The following DNAAF4 variants were observed in gnomAD, a reference collection of about 807,000 sequenced individuals.
The protein encoded by DNAAF4 is dynein assembly factor 4, axonemal.
Under a neutral mutation model 51.8 loss-of-function variants are expected in DNAAF4, and 43 were observed. The ratio of observed to expected loss-of-function variants is 0.83; its 90% confidence interval spans 0.65 to 1.07. The LOEUF (loss-of-function observed/expected upper bound fraction) is 1.07. Among genes scored for constraint, DNAAF4 ranks in the 50% least tolerant of loss-of-function variants. The pLI is 0.00. For synonymous variants in DNAAF4, 194 were observed against 165.6 expected (o/e 1.17, Z -1.32); for missense variants, 581 against 493.0 (o/e 1.18, Z -1.69).
intron 6 of DNAAF4, among the ~76,000 whole-genome samples, chr15:55,442,145 T>C (rs964484401): frequency 3.9e-5 from 6 of 152,074 alleles, no homozygotes; most frequent in African/African-American, 1.4e-4. Flanking sequence ...TTGAGATGGG[T>C]TCTCGTTCTG....
At chr15:55,451,077 C>T (rs564436284) in intron 5 of DNAAF4, among the ~76,000 whole-genome samples, 22 of 152,252 alleles carry the variant, frequency 1.4e-4, no homozygotes, top group African/African-American at 5.3e-4. Context: ...GCCTGGGCAA[C>T]AGAGTGAGAC....
At chr15:55,462,896 T>C (rs58127751) in intron 5 of DNAAF4, among the ~76,000 whole-genome samples, 35,702 of 151,874 alleles carry the variant, frequency 0.24, 5,725 homozygotes, top group African/African-American at 0.46. Context: ...TGAGGCCGAG[T>C]GTGGTGGCTC....
At chr15:55,464,061 T>TACAA (rs1373658461) in intron 5 of DNAAF4, among the ~76,000 whole-genome samples, 1 of 152,112 alleles carries the variant, frequency 6.6e-6, no homozygotes, top group Non-Finnish European at 1.5e-5. Flanking sequence ...CAAACTATAC[T>TACAA]ACAAGGCCAC....
chr15:55,430,635 A>C lies in DNAAF4; in HGVS notation c.*35T>G. 6.3e-7 allele frequency: 1 copy of C among 1,596,730 alleles called. No homozygotes were observed. Among genetic ancestry groups the C allele is most frequent in the Non-Finnish European group, 8.5e-7 (1 of 1,172,732 alleles). ...AAGATGCCTCCAGTTGTTTTTAAAA[A>C]ACTTATAACAATACTTAGTTACTTC... On this transcript the variant is annotated 3_prime_UTR_variant, in exon 10 of 10. Transcript: ENST00000321149.
intron 3 of DNAAF4, among the ~76,000 whole-genome samples, chr15:55,497,461 G>A (rs2058655986): frequency 6.6e-6 from 1 of 152,022 alleles, no homozygotes; most frequent in Non-Finnish European, 1.5e-5. Flanking sequence ...TTAGCCGGGC[G>A]TGGTGGCGGA....
rs571178450 is a variant in DNAAF4 at position 55,503,720 on chromosome 15, G to A, written c.-256+4402C>T. On this transcript the variant is annotated intron_variant, in intron 1 of 9. Coordinates refer to ENST00000321149, the MANE Select transcript of DNAAF4 (RefSeq NM_130810.4). ...GCAGAAAAGGCTTTTGACAAAATTCGATAGCCTTTCATGCTAAAAACTCTC... is the reference window on the plus strand; with the variant it reads ...GCAGAAAAGGCTTTTGACAAAATTCAATAGCCTTTCATGCTAAAAACTCTC... Among the ~76,000 whole-genome samples the A allele has an allele frequency of 2.0e-5, 3 of 152,160 alleles. No homozygotes were observed. In the South Asian group the frequency reaches 6.2e-4, roughly 32 times the overall value.
intron 4 of DNAAF4, among the ~76,000 whole-genome samples, chr15:55,486,281 C>A (rs2141571924): frequency 6.6e-6 from 1 of 151,730 alleles, no homozygotes; most frequent in South Asian, 2.1e-4. Context: ...GCAACCTCCG[C>A]TTCCTGGGTT....
chr15:55,470,433 G>C (rs1208868398), intron 4 of DNAAF4, among the ~76,000 whole-genome samples: 1 of 152,070 alleles, frequency 6.6e-6, no homozygotes, highest in South Asian at 2.1e-4. Flanking sequence ...ACCGGGGAAG[G>C]AGCACAGAGT....
intron 6 of DNAAF4, among the ~76,000 whole-genome samples, chr15:55,440,335 G>A (rs570663687): frequency 3.2e-4 from 49 of 152,044 alleles, no homozygotes; most frequent in African/African-American, 1.2e-3. Flanking sequence ...ATAGGCGTGA[G>A]CCACCACGCC....
At chr15:55,492,545 T>C (rs1258473152) in intron 3 of DNAAF4, among the ~76,000 whole-genome samples, 2 of 152,040 alleles carry the variant, frequency 1.3e-5, no homozygotes, top group African/African-American at 2.4e-5. Flanking sequence ...AATTGTGATA[T>C]ACTTTTTTTT....
At chr15:55,456,990 T>C (rs183154526) in intron 5 of DNAAF4, among the ~76,000 whole-genome samples, 148 of 152,274 alleles carry the variant, frequency 9.7e-4, no homozygotes, top group Non-Finnish European at 1.9e-3. Context: ...CTGAACTTTG[T>C]AATAATTTTG....
At chr15:55,420,435 AT>A (rs2141379648) in intron 7 of DNAAF4, among the ~76,000 whole-genome samples, 1 of 151,948 alleles carries the variant, frequency 6.6e-6, no homozygotes, top group African/African-American at 2.4e-5. Context: ...AATCATTGTT[AT>A]TTTCCCCTGT....
intron 8 of DNAAF4, among the ~76,000 whole-genome samples, chr15:55,433,992 TATA>T (rs1436252333): frequency 9.2e-4 from 15 of 16,290 alleles, no homozygotes; most frequent in Admixed American, 2.1e-3. Flanking sequence ...ATATAATATA[TATA>T]ATATTATATA....
At chr15:55,506,862 CT>C (rs995113150) in intron 1 of DNAAF4, among the ~76,000 whole-genome samples, 2 of 151,572 alleles carry the variant, frequency 1.3e-5, no homozygotes, top group Non-Finnish European at 2.9e-5. Context: ...TTTCTTTTTT[CT>C]TTTTTTGATG....
chr15:55,454,485 C>T (rs1175062562), intron 5 of DNAAF4, among the ~76,000 whole-genome samples: 1 of 151,918 alleles, frequency 6.6e-6, no homozygotes, highest in Non-Finnish European at 1.5e-5. Context: ...TCAAGCAATT[C>T]CCATGCCTCA....
intron 7 of DNAAF4, among the ~76,000 whole-genome samples, chr15:55,421,821 G>A (rs528559941): frequency 1.3e-5 from 2 of 151,388 alleles, no homozygotes; most frequent in East Asian, 1.9e-4. Context: ...CCCCAGAGGC[G>A]GAGGTTGCGG....
chr15:55,447,443 G>T (rs2141451619), intron 6 of DNAAF4, among the ~76,000 whole-genome samples: 1 of 152,098 alleles, frequency 6.6e-6, no homozygotes, highest in East Asian at 2.0e-4. Context: ...GGTGGAGGTT[G>T]TAGCGAGCCG....
intron 4 of DNAAF4, among the ~76,000 whole-genome samples, chr15:55,482,948 C>T (rs917736003): frequency 6.6e-6 from 1 of 152,158 alleles, no homozygotes; most frequent in Admixed American, 6.5e-5. Context: ...GACTGATGGG[C>T]ATCACATCCA....
At position 55,498,200 on chromosome 15, in the gene DNAAF4, T is replaced by C; in HGVS notation, c.123+7A>G. ...CGGAGACCGGCAGGCAAGACTTGCA[T>C]TCTTACCTTCAGATAGTTTTCCGTG... On this transcript the variant is annotated splice_region_variant and intron_variant, in intron 2 of 9. Transcript: ENST00000321149. 1 of 1,613,954 alleles carries C rather than the reference T, an allele frequency of 6.2e-7. No homozygotes were observed. Among genetic ancestry groups the C allele is most frequent in the Non-Finnish European group, 8.5e-7 (1 of 1,179,946 alleles).
Sources: gnomAD v4.1 joint callset for allele counts (sites outside exome capture counted in the v4.1 genomes callset) on GRCh38, gnomAD v4.1.1 for gene constraint, MANE v1.5 for transcripts, NCBI Gene and HGNC (gene_info 2026-07-23, HGNC 2026-07-21) for gene names.